The following ADAMTSL3 variants were observed in gnomAD, a reference collection of about 807,000 sequenced individuals.
ADAMTSL3 encodes the protein ADAMTS-like protein 3.
Under a neutral mutation model 201.7 loss-of-function variants are expected in ADAMTSL3, and 128 were observed. That is an observed-to-expected ratio of 0.63 (90% CI 0.55 to 0.73). ADAMTSL3 has a LOEUF of 0.73. Ranked by LOEUF, ADAMTSL3 falls within the 30% of genes least tolerant of loss-of-function variation. The probability of loss-of-function intolerance (pLI) is 0.00; values close to 1 mark genes in which losing one functional copy is unlikely to be tolerated. For synonymous variants in ADAMTSL3, 738 were observed against 748.4 expected (o/e 0.99, Z 0.23); for missense variants, 1,990 against 2,119.6 (o/e 0.94, Z 1.20).
intron 9 of ADAMTSL3, among the ~76,000 whole-genome samples, chr15:83,879,001 T>G (rs2065227888): frequency 6.6e-6 from 1 of 152,198 alleles, no homozygotes; most frequent in South Asian, 2.1e-4. Flanking sequence ...TCCGTTTTGT[T>G]TCAATGAATT....
At chr15:83,966,900 C>T (rs1385697894) in intron 19 of ADAMTSL3, among the ~76,000 whole-genome samples, 1 of 151,972 alleles carries the variant, frequency 6.6e-6, no homozygotes, top group East Asian at 1.9e-4. Context: ...TAAACATAAT[C>T]CATCACATAA....
At chr15:83,824,887 T>C (rs367652479) in intron 6 of ADAMTSL3, 3 of 152,202 alleles carry the variant, frequency 2.0e-5, no homozygotes, top group East Asian at 3.9e-4. Context: ...TTTCACAAAT[T>C]TGCATGTCAT....
chr15:83,736,930 A>T (rs2062377805), intron 3 of ADAMTSL3, among the ~76,000 whole-genome samples: 1 of 152,202 alleles, frequency 6.6e-6, no homozygotes, highest in Non-Finnish European at 1.5e-5. Flanking sequence ...ACCAAGACAC[A>T]ATACCCACCC....
chr15:83,970,457 G>A (rs1434017918), intron 19 of ADAMTSL3, 27 bp from the exon 20 acceptor site: 3 of 1,613,700 alleles, frequency 1.9e-6, no homozygotes, highest in Admixed American at 3.3e-5. Flanking sequence ...TGCTCCATTT[G>A]ACTCTGTTGC....
intron 19 of ADAMTSL3, among the ~76,000 whole-genome samples, chr15:83,951,380 T>C (rs1322458270): frequency 6.6e-6 from 1 of 152,194 alleles, no homozygotes. Context: ...TTGGTCATGA[T>C]GAATGATCTT....
chr15:83,877,765 A>T (rs2065203297), intron 9 of ADAMTSL3, among the ~76,000 whole-genome samples: 1 of 152,128 alleles, frequency 6.6e-6, no homozygotes, highest in South Asian at 2.1e-4. Flanking sequence ...ATTTCTCTCA[A>T]TAATGTTCAT....
At chr15:84,015,223 C>T (rs2068070397) in intron 24 of ADAMTSL3, among the ~76,000 whole-genome samples, 1 of 152,146 alleles carries the variant, frequency 6.6e-6, no homozygotes, top group African/African-American at 2.4e-5. Context: ...GGGTTACAGG[C>T]ATGAACCACT....
At chr15:83,847,359 A>G (rs556359385) in intron 7 of ADAMTSL3, among the ~76,000 whole-genome samples, 11 of 152,248 alleles carry the variant, frequency 7.2e-5, no homozygotes, top group South Asian at 4.1e-4. Flanking sequence ...GTTGCTACCC[A>G]TTGACTTTTC....
chr15:83,809,400 G>A (rs1257055386), intron 5 of ADAMTSL3, among the ~76,000 whole-genome samples: 1 of 152,158 alleles, frequency 6.6e-6, no homozygotes, highest in Non-Finnish European at 1.5e-5. Context: ...CAAGCATCCT[G>A]TTACAAGCAT....
In ADAMTSL3 at chr15:83,714,761, C is replaced by CTCTTTCTT. The variant is rs767607321; in HGVS notation, c.189+10271_189+10278dup. On this transcript the variant is annotated intron_variant, in intron 3 of 29. Transcript: ENST00000286744. ...TTCTCCTTTTCCTTCCTTCCCTTTT[C>CTCTTTCTT]TCTTTCTTTCTTTCTTTCTTTCTTT... 1.7e-4 allele frequency among the ~76,000 whole-genome samples: 7 copies of CTCTTTCTT among 41,454 alleles called. 1 individual carries two copies. The highest frequency in any genetic ancestry group is 0.019 in the Middle Eastern group (1 of 52). The allele number at this position is 41,454 out of a possible 152,430, so 27.2% of individuals were successfully genotyped here. A position where few individuals can be genotyped will look rare whatever the true frequency, so the allele number is the denominator to read the frequency against.
At chr15:83,968,321 TAAAC>T (rs1254564537) in intron 19 of ADAMTSL3, among the ~76,000 whole-genome samples, 11 of 152,100 alleles carry the variant, frequency 7.2e-5, no homozygotes, top group Non-Finnish European at 1.5e-4. Flanking sequence ...ACAAGGAACT[TAAAC>T]AAATTTACAA....
chr15:83,864,711 A>G (rs866341616), intron 8 of ADAMTSL3, among the ~76,000 whole-genome samples: 1,698 of 152,230 alleles, frequency 0.011, 35 homozygotes, highest in African/African-American at 0.037. Flanking sequence ...CACAAGACAG[A>G]GATGCCCTCT....
chr15:83,938,686 C>T (rs989477321), intron 17 of ADAMTSL3, among the ~76,000 whole-genome samples: 1 of 152,036 alleles, frequency 6.6e-6, no homozygotes, highest in South Asian at 2.1e-4. Context: ...TTCTCAAAAT[C>T]TCTATCAGAG....
At chr15:83,832,559 T>C (rs2064177387) in intron 6 of ADAMTSL3, among the ~76,000 whole-genome samples, 1 of 152,166 alleles carries the variant, frequency 6.6e-6, no homozygotes, top group Non-Finnish European at 1.5e-5. Flanking sequence ...TTCAGTATCT[T>C]TCCTTCAGCA....
intron 21 of ADAMTSL3, among the ~76,000 whole-genome samples, chr15:83,986,945 A>G (rs1463388276): frequency 6.6e-6 from 1 of 152,236 alleles, no homozygotes; most frequent in Non-Finnish European, 1.5e-5. Flanking sequence ...GATCCAGGCT[A>G]GGTACCCAGT....
At chr15:83,906,231 A>T (rs2065829966) in intron 15 of ADAMTSL3, among the ~76,000 whole-genome samples, 3 of 152,172 alleles carry the variant, frequency 2.0e-5, no homozygotes, top group Non-Finnish European at 4.4e-5. Flanking sequence ...CTAACCTTAC[A>T]TAAAACTTTA....
At chr15:83,945,158 G>A (rs1269348698) in intron 19 of ADAMTSL3, among the ~76,000 whole-genome samples, 2 of 152,116 alleles carry the variant, frequency 1.3e-5, no homozygotes, top group South Asian at 2.1e-4. Context: ...AGCAGGAGTT[G>A]CCCTAGGATC....
chr15:83,786,955 C>G (rs946382548), intron 4 of ADAMTSL3, among the ~76,000 whole-genome samples: 2 of 152,154 alleles, frequency 1.3e-5, no homozygotes, highest in Non-Finnish European at 1.5e-5. Context: ...TAGTTTCTTA[C>G]ATGTGATGAG....
intron 8 of ADAMTSL3, among the ~76,000 whole-genome samples, chr15:83,865,874 G>A (rs1393682926): frequency 6.6e-6 from 1 of 152,040 alleles, no homozygotes; most frequent in Non-Finnish European, 1.5e-5. Flanking sequence ...TCTGACAAAG[G>A]GCTAATATCC....
Sources: gnomAD v4.1 joint callset for allele counts (sites outside exome capture counted in the v4.1 genomes callset) on GRCh38, gnomAD v4.1.1 for gene constraint, MANE v1.5 for transcripts, NCBI Gene and HGNC (gene_info 2026-07-23, HGNC 2026-07-21) for gene names.